EXTL2: variants seen among roughly 807,000 people sequenced by gnomAD.
EXTL2 encodes exostosin-like 2.
In EXTL2, 23 loss-of-function variants were observed where a neutral mutation model predicts 30.7. That is an observed-to-expected ratio of 0.75 (90% CI 0.54 to 1.06). The LOEUF (loss-of-function observed/expected upper bound fraction) is 1.06, where lower values mean the gene tolerates loss of function less well. EXTL2 is among the 50% of genes least tolerant of loss of function. The pLI is 0.00. For missense variants in EXTL2, 352 were observed against 396.3 expected, an observed-to-expected ratio of 0.89 and a Z score of 0.95; for synonymous variants, 123 against 133.8, an observed-to-expected ratio of 0.92 and a Z score of 0.56.
rs1016621507 is a variant in EXTL2, at chr1:100,873,228, T to A, written c.*714A>T. ...TAACACATTTACTCCTTGCTGCATA[T>A]AAGTGGCGTGTAAGAAATACAGGGT... On this transcript the variant is annotated 3_prime_UTR_variant, in exon 5 of 5. Transcript: ENST00000370114. The A allele has an allele frequency of 2.7e-4, 41 of 152,082 alleles. No individual in the cohort carries two copies. Among genetic ancestry groups the A allele is most frequent in the African/African-American group, 9.9e-4 (41 of 41,426 alleles). 9.4% of individuals were successfully genotyped at this position (152,082 alleles called of 1,614,324 possible).
chr1:100,875,983 A>G (rs978612761), intron 4 of EXTL2, among the ~76,000 whole-genome samples: 3 of 152,132 alleles, frequency 2.0e-5, no homozygotes. Flanking sequence ...TGAAATTAAA[A>G]ACTGAAGTTT....
In EXTL2 at chr1:100,877,449, C is replaced by T; in HGVS notation, c.433+27G>A. On this transcript the variant is annotated intron_variant, in intron 3 of 4. Transcript: ENST00000370114. The surrounding 1 kb of genome is among the most constrained non-coding windows in gnomAD (Gnocchi z 4.1). ...CAGCTCTGGACAGCGGCAGCCTTTC[C>T]AGGCTGAGAACTACACTGCAACTCA... 1 of 1,531,750 alleles carries T rather than the reference C, an allele frequency of 6.5e-7. No homozygotes were observed. The highest frequency in any genetic ancestry group is 1.3e-5 in the South Asian group (1 of 77,260). 94.9% of individuals were successfully genotyped at this position (1,531,750 alleles called of 1,614,324 possible).
chr1:100,873,859 G>A lies in EXTL2; in HGVS notation c.*83C>T. On this transcript the variant is annotated 3_prime_UTR_variant, in exon 5 of 5. Transcript: ENST00000370114. ...GACTTCTGGAGTAGATAAAATTCAT[G>A]ATGTTGCTTAAAAAAATACATAGCA... The A allele has an allele frequency of 7.3e-7, 1 of 1,362,480 alleles. No homozygotes were observed. Among genetic ancestry groups the A allele is most frequent in the Non-Finnish European group, 1.0e-6 (1 of 1,002,880 alleles). The allele number at this position is 1,362,480 out of a possible 1,614,324, so 84.4% of individuals were successfully genotyped here. A position where few individuals can be genotyped will look rare whatever the true frequency, so the allele number is the denominator to read the frequency against.
intron 1 of EXTL2, 178 bp from the exon 2 acceptor site, chr1:100,889,006 T>G: frequency 2.6e-6 from 1 of 389,562 alleles, no homozygotes; most frequent in African/African-American, 2.0e-5. Flanking sequence ...GGTAGATGAT[T>G]AATGACTTCC....
At position 100,886,145 on chromosome 1, in the gene EXTL2, T is replaced by G. The variant is rs533174790; in HGVS notation, c.5+2608A>C. On this transcript the variant is annotated intron_variant, in intron 2 of 4. Transcript: ENST00000370114. Reference sequence around the variant, plus strand: ...GGTGGAAGTGATCCATCTTTTCTATTGACAATAGAATGGCTACGCATATAT... The same window carrying G: ...GGTGGAAGTGATCCATCTTTTCTATGGACAATAGAATGGCTACGCATATAT... Among the ~76,000 whole-genome samples the G allele has an allele frequency of 1.4e-4, 22 of 152,350 alleles. No homozygotes were observed. The South Asian group carries it at 4.3e-3, about 30-fold the overall frequency.
At chr1:100,878,243 A>C (rs1443651353) in intron 2 of EXTL2, among the ~76,000 whole-genome samples, 2 of 151,506 alleles carry the variant, frequency 1.3e-5, no homozygotes, top group Non-Finnish European at 2.9e-5. Context: ...TTAGTAATAT[A>C]TTAATTTCGA....
rs369063418 is a variant in EXTL2, at chr1:100,874,202, C to T, written c.733G>A (p.Asp245Asn). 2 of 1,612,800 alleles carry T rather than the reference C, an allele frequency of 1.2e-6. No individual in the cohort carries two copies. The highest frequency in any genetic ancestry group is 2.7e-5 in the African/African-American group (2 of 74,838). Residue 245 changes from aspartate to asparagine, a missense_variant, in exon 5 of 5, where the codon GAT (aspartate) becomes AAT (asparagine). Coordinates refer to ENST00000370114, the MANE Select transcript of EXTL2 (RefSeq NM_001033025.3). ...ALIDDTQNCD[D>N]IAMNFIIAKH... ...GCAATGATAAAATTCATGGCAATATCATCACAGTTTTGAGTATCATCTATC... is the reference window on the plus strand; with the variant it reads ...GCAATGATAAAATTCATGGCAATATTATCACAGTTTTGAGTATCATCTATC...
chr1:100,891,804 G>A (rs147945819), intron 1 of EXTL2, among the ~76,000 whole-genome samples: 74 of 152,272 alleles, frequency 4.9e-4, no homozygotes, highest in African/African-American at 1.6e-3. Flanking sequence ...CTAACTTGGT[G>A]CCTGGTGGCC....
At chr1:100,891,159 T>C (rs1650396639) in intron 1 of EXTL2, among the ~76,000 whole-genome samples, 1 of 152,260 alleles carries the variant, frequency 6.6e-6, no homozygotes, top group African/African-American at 2.4e-5. Context: ...TCCCCTCTTT[T>C]TCCTGTATCC....
At chr1:100,876,720 T>G (rs1204549327) in intron 4 of EXTL2, 74 bp downstream of exon 4, 1 of 979,510 alleles carries the variant, frequency 1.0e-6, no homozygotes, top group Non-Finnish European at 1.6e-6. Flanking sequence ...ACTTCTATAT[T>G]AACCATGTTG....
At position 100,874,309 on chromosome 1, in the gene EXTL2, G is replaced by C; in HGVS notation, c.626C>G (p.Ser209Cys). 1 of 1,612,960 alleles carries C rather than the reference G, an allele frequency of 6.2e-7. No individual in the cohort carries two copies. Among genetic ancestry groups the C allele is most frequent in the Non-Finnish European group, 8.5e-7 (1 of 1,179,416 alleles). ...GAATGAGGCTCCAATCAGCACCATA[G>C]AGTACTGGTCACCATTTCCAGACCC... ...APGSGNGDQY[S>C]MVLIGASFFN... Residue 209 changes from serine (S) to cysteine (C), a missense_variant, in exon 5 of 5, where the codon TCT becomes TGT. Transcript: ENST00000370114.
Position 100,894,648 on chromosome 1 carries a change from T to A in EXTL2, c.-87A>T, listed in dbSNP as rs1650732787. The stretch of plus-strand genomic sequence containing the variant: ...GTCTCCTTACCTCGAGTGCAGTAGA[T>A]TGCAGTAGGGCCAGCCGATTTATTT... On this transcript the variant is annotated 5_prime_UTR_variant, in exon 1 of 5. Coordinates refer to ENST00000370114, the MANE Select transcript of EXTL2 (RefSeq NM_001033025.3). 6.6e-6 allele frequency: 1 copy of A among 152,212 alleles called. No individual in the cohort carries two copies. The highest frequency in any genetic ancestry group is 6.5e-5 in the Admixed American group (1 of 15,288). The allele number at this position is 152,212 out of a possible 1,614,324, so 9.4% of individuals were successfully genotyped here. A position where few individuals can be genotyped will look rare whatever the true frequency, so the allele number is the denominator to read the frequency against.
intron 1 of EXTL2, among the ~76,000 whole-genome samples, chr1:100,891,407 A>G (rs1313088228): frequency 6.6e-6 from 1 of 152,242 alleles, no homozygotes; most frequent in Non-Finnish European, 1.5e-5. Flanking sequence ...ATCTATGCAG[A>G]GCTGGTTGTG....
chr1:100,878,257 T>C, intron 2 of EXTL2: 2 of 349,116 alleles, frequency 5.7e-6, no homozygotes, highest in Non-Finnish European at 1.1e-5. Context: ...ATTTCGAATC[T>C]ACACTTCTGT....
At chr1:100,878,196 G>A (rs1252119354) in intron 2 of EXTL2, among the ~76,000 whole-genome samples, 1 of 152,048 alleles carries the variant, frequency 6.6e-6, no homozygotes. Flanking sequence ...TATATCTCCA[G>A]AACTGAGATT....
rs1000057002 is a variant in EXTL2, at chr1:100,872,452, A to T, written c.*1490T>A. ...CATAAGAGGCAAAAAAGTACTACCA[A>T]TATTGGACAAAACAGATAACTGACA... On this transcript the variant is annotated 3_prime_UTR_variant, in exon 5 of 5. Coordinates refer to ENST00000370114, the MANE Select transcript of EXTL2 (RefSeq NM_001033025.3). 19 of 152,190 alleles carry T rather than the reference A, an allele frequency of 1.2e-4. No individual in the cohort carries two copies. Among genetic ancestry groups the T allele is most frequent in the African/African-American group, 4.6e-4 (19 of 41,144 alleles). 9.4% of individuals were successfully genotyped at this position (152,190 alleles called of 1,614,324 possible). A position where few individuals can be genotyped will look rare whatever the true frequency, so the allele number is the denominator to read the frequency against.
intron 2 of EXTL2, chr1:100,880,831 T>G: frequency 2.8e-6 from 1 of 351,628 alleles, no homozygotes; most frequent in Non-Finnish European, 4.0e-6. Context: ...AAAACTTACA[T>G]AGAAGTGTTT....
At chr1:100,894,335 G>A (rs1650685664) in intron 1 of EXTL2, among the ~76,000 whole-genome samples, 1 of 151,986 alleles carries the variant, frequency 6.6e-6, no homozygotes, top group African/African-American at 2.4e-5. Context: ...CAAAAAAAGA[G>A]TAAATGCTAC....
chr1:100,877,982 G>T lies in EXTL2; in HGVS notation c.6-79C>A. The T allele has an allele frequency of 9.4e-7, 1 of 1,066,236 alleles. No homozygotes were observed. Among genetic ancestry groups the T allele is most frequent in the Non-Finnish European group, 1.3e-6 (1 of 747,142 alleles). 66.0% of individuals were successfully genotyped at this position (1,066,236 alleles called of 1,614,324 possible). On this transcript the variant is annotated intron_variant, in intron 2 of 4. Transcript: ENST00000370114. The surrounding 1 kb of genome is among the most constrained non-coding windows in gnomAD (Gnocchi z 4.1). ...TGTTTTCATGTTTTTTTCCAATGAG[G>T]AAAGATATCAATCTTATTTTAGTTG...
Sources: allele counts gnomAD v4.1 joint callset (sites outside exome capture counted in the v4.1 genomes callset), GRCh38; gene constraint gnomAD v4.1.1; non-coding constraint Gnocchi (gnomAD v3.1); transcripts MANE v1.5; gene names NCBI Gene and HGNC (gene_info 2026-07-23, HGNC 2026-07-21).